Variants in KLF3 observed in about 807,000 individuals in gnomAD.
KLF3 encodes the protein Krueppel-like factor 3.
Under a neutral mutation model 32.7 loss-of-function variants are expected in KLF3, and 6 were observed. The ratio of observed to expected loss-of-function variants is 0.18; its 90% CI spans 0.10 to 0.36. The LOEUF (loss-of-function observed/expected upper bound fraction) is 0.36, where lower values mean the gene tolerates loss of function less well. KLF3 is among the 10% of genes least tolerant of loss of function. The pLI, the probability that KLF3 is intolerant of heterozygous loss-of-function variation, is 1.00. For synonymous variants in KLF3, 145 were observed against 172.8 expected (o/e 0.84, Z 1.26); for missense variants, 338 against 449.7 (o/e 0.75, Z 2.25).
rs1300524966 is a variant in KLF3, at chr4:38,674,263, G to T, written c.-39-6324G>T. Among the ~76,000 whole-genome samples, 1 of 152,068 alleles carries T rather than the reference G, an allele frequency of 6.6e-6. No individual in the cohort carries two copies. Among genetic ancestry groups the T allele is most frequent in the Non-Finnish European group, 1.5e-5 (1 of 68,026 alleles). On this transcript the variant is annotated intron_variant, in intron 1 of 5. Transcript: ENST00000261438. This position sits in a 1 kb window ranked among gnomAD's most constrained non-coding sequence, Gnocchi z 4.1. Reference sequence around the variant, plus strand: ...CTGTTGCCTGTCCCCTGTATTTCTGGCTAGGGCAACTGTCCTTAAATAATA... The same window carrying T: ...CTGTTGCCTGTCCCCTGTATTTCTGTCTAGGGCAACTGTCCTTAAATAATA...
chr4:38,694,501 C>G (rs749868349), intron 4 of KLF3, among the ~76,000 whole-genome samples: 8 of 152,178 alleles, frequency 5.3e-5, no homozygotes, highest in Non-Finnish European at 1.0e-4. Context: ...GGCAGGAACC[C>G]TGTTTTTATT....
In KLF3 at chr4:38,688,539, T is replaced by G. The variant is rs780065826; in HGVS notation, c.58-46T>G. 6.6e-7 allele frequency: 1 copy of G among 1,523,804 alleles called. No individual in the cohort carries two copies. The highest frequency in any genetic ancestry group is 1.3e-5 in the South Asian group (1 of 77,742). The allele number at this position is 1,523,804 out of a possible 1,614,324, so 94.4% of individuals were successfully genotyped here. On this transcript the variant is annotated intron_variant, in intron 2 of 5. Transcript: ENST00000261438. The surrounding 1 kb of genome is among the most constrained non-coding windows in gnomAD (Gnocchi z 4.9). ...TTTCTTAATTCATGTTTCAAGTAAA[T>G]GGACTTATTTGGCTGTTGACACGTT...
chr4:38,681,863 C>T (rs1722536317), intron 2 of KLF3, among the ~76,000 whole-genome samples: 1 of 152,154 alleles, frequency 6.6e-6, no homozygotes, highest in Non-Finnish European at 1.5e-5. Flanking sequence ...TTATACAAGA[C>T]ACGGGGGTCA....
At chr4:38,675,388 C>CT (rs1560414495) in intron 1 of KLF3, among the ~76,000 whole-genome samples, 1 of 127,470 alleles carries the variant, frequency 7.8e-6, no homozygotes, top group Non-Finnish European at 1.8e-5. Flanking sequence ...CAATTTTGCC[C>CT]TTCCCCCCCC....
rs151053383 is a variant in KLF3, at chr4:38,687,555, G to A, written c.58-1030G>A. 7.2e-3 allele frequency among the ~76,000 whole-genome samples: 1,097 copies of A among 152,280 alleles called. 15 individuals carry two copies. Among genetic ancestry groups the A allele is most frequent in the African/African-American group, 0.025 (1,024 of 41,548 alleles). Reference sequence around the variant, plus strand: ...TCAGTTGTGGACCAGATCTTGGGAAGGAAACAGACTCTTCTGTCTCTTCTG... The same window carrying A: ...TCAGTTGTGGACCAGATCTTGGGAAAGAAACAGACTCTTCTGTCTCTTCTG... On this transcript the variant is annotated intron_variant, in intron 2 of 5. Transcript: ENST00000261438.
chr4:38,689,652 G>A, intron 3 of KLF3, 77 bp from the exon 4 acceptor site: 1 of 1,005,984 alleles, frequency 9.9e-7, no homozygotes, highest in Non-Finnish European at 1.5e-6. Context: ...GTTGTAGGTA[G>A]GAGCTATGCA....
rs779264907 is a variant in KLF3, at chr4:38,698,318, G to GT, written c.*1057dup. The GT allele has an allele frequency of 1.3e-5, 2 of 152,740 alleles. No individual in the cohort carries two copies. Among genetic ancestry groups the GT allele is most frequent in the Admixed American group, 6.5e-5 (1 of 15,302 alleles). The allele number at this position is 152,740 out of a possible 1,614,324, so 9.5% of individuals were successfully genotyped here. On this transcript the variant is annotated 3_prime_UTR_variant, in exon 6 of 6. Transcript: ENST00000261438. ...TAGCTTTTTTTGTAAACAGGGAAATGTTGAGTGGTACTTGTATTCCCTTAT... is the reference window on the plus strand; with the variant it reads ...TAGCTTTTTTTGTAAACAGGGAAATGTTTGAGTGGTACTTGTATTCCCTTAT...
In KLF3 at chr4:38,697,303, C is replaced by T. The variant is rs36023504; in HGVS notation, c.*40C>T. The stretch of plus-strand genomic sequence containing the variant: ...TGCCTCAGCGTGACTCCCCACTCAC[C>T]TGGCTCTCTCTCTGTCCTGCCTCCC... On this transcript the variant is annotated 3_prime_UTR_variant, in exon 6 of 6. Transcript: ENST00000261438. 0.32 allele frequency: 485,635 copies of T among 1,528,974 alleles called. 87,984 individuals carry two copies. Among genetic ancestry groups the T allele is most frequent in the Non-Finnish European group, 0.37 (419,760 of 1,127,582 alleles). The allele number at this position is 1,528,974 out of a possible 1,614,324, so 94.7% of individuals were successfully genotyped here.
chr4:38,675,614 C>T (rs1489580231), intron 1 of KLF3, among the ~76,000 whole-genome samples: 1 of 152,116 alleles, frequency 6.6e-6, no homozygotes, highest in African/African-American at 2.4e-5. Flanking sequence ...TAATAGAATT[C>T]CTGAGCCTGG....
chr4:38,673,566 G>A (rs1722260907), intron 1 of KLF3, among the ~76,000 whole-genome samples: 1 of 152,232 alleles, frequency 6.6e-6, no homozygotes. Context: ...AAACAAGTGT[G>A]TAACCCTAGT....
In KLF3 at chr4:38,697,293, C is replaced by T. The variant is rs1327567374; in HGVS notation, c.*30C>T. On this transcript the variant is annotated 3_prime_UTR_variant, in exon 6 of 6. Coordinates refer to ENST00000261438, the MANE Select transcript of KLF3 (RefSeq NM_016531.6). ...CTCTGTGTCCTGCCTCAGCGTGACT[C>T]CCCACTCACCTGGCTCTCTCTCTGT... The T allele has an allele frequency of 1.6e-5, 25 of 1,556,954 alleles. No individual in the cohort carries two copies. Among genetic ancestry groups the T allele is most frequent in the Non-Finnish European group, 1.4e-5 (16 of 1,146,338 alleles).
intron 1 of KLF3, among the ~76,000 whole-genome samples, chr4:38,675,675 T>C (rs2109241484): frequency 6.6e-6 from 1 of 152,358 alleles, no homozygotes; most frequent in East Asian, 1.9e-4. Context: ...TGGATTGATT[T>C]ACTGCCGGTG....
chr4:38,675,390 T>TCCCCC (rs11429183), intron 1 of KLF3, among the ~76,000 whole-genome samples: 1 of 151,442 alleles, frequency 6.6e-6, no homozygotes, highest in African/African-American at 2.4e-5. Context: ...ATTTTGCCCT[T>TCCCCC]CCCCCCCCTT....
chr4:38,687,847 G>A (rs1231816539), intron 2 of KLF3, among the ~76,000 whole-genome samples: 1 of 152,158 alleles, frequency 6.6e-6, no homozygotes. Flanking sequence ...CAGTACAAAG[G>A]TGTGTATGGT....
At chr4:38,668,746 A>G (rs773515162) in intron 1 of KLF3, among the ~76,000 whole-genome samples, 1 of 152,162 alleles carries the variant, frequency 6.6e-6, no homozygotes, top group African/African-American at 2.4e-5. Flanking sequence ...TGGTAAACAG[A>G]GTCTTTATTT....
At chr4:38,696,579 A>C (rs1488694545) in intron 5 of KLF3, among the ~76,000 whole-genome samples, 1 of 152,228 alleles carries the variant, frequency 6.6e-6, no homozygotes, top group African/African-American at 2.4e-5. Context: ...ACTTAGGCCT[A>C]ATTGTTATTG....
rs557007943 is a variant in KLF3, at chr4:38,671,879, C to T, written c.-40+7418C>T. ...CCCTTTTCAAAAACCTGTGTTTGTG[C>T]ACACACCCCTTCCCCTTGCAGTTCC... On this transcript the variant is annotated intron_variant, in intron 1 of 5. Transcript: ENST00000261438. This position sits in a 1 kb window ranked among gnomAD's most constrained non-coding sequence, Gnocchi z 4.4. Among the ~76,000 whole-genome samples the T allele has an allele frequency of 6.6e-6, 1 of 152,278 alleles. No individual in the cohort carries two copies. The highest frequency in any genetic ancestry group is 2.4e-5 in the African/African-American group (1 of 41,540).
intron 1 of KLF3, among the ~76,000 whole-genome samples, chr4:38,676,956 GTTTT>G (rs34392158): frequency 1.9e-5 from 2 of 105,498 alleles, no homozygotes; most frequent in African/African-American, 3.9e-5. Flanking sequence ...GTGCCAGTGT[GTTTT>G]TTTTTTTTTT....
At position 38,671,165 on chromosome 4, in the gene KLF3, C is replaced by T. The variant is rs1722186678; in HGVS notation, c.-40+6704C>T. ...CCCGGGTCTGCAGGCAGACACGCTT[C>T]TGTTCCTGGCTGCAGCTCCAACCAG... On this transcript the variant is annotated intron_variant, in intron 1 of 5. Transcript: ENST00000261438. This position sits in a 1 kb window ranked among gnomAD's most constrained non-coding sequence, Gnocchi z 4.4. Among the ~76,000 whole-genome samples, 1 of 152,224 alleles carries T rather than the reference C, an allele frequency of 6.6e-6. No homozygotes were observed. Among genetic ancestry groups the T allele is most frequent in the Non-Finnish European group, 1.5e-5 (1 of 68,038 alleles).
Sources: gnomAD v4.1 joint callset for allele counts (sites outside exome capture counted in the v4.1 genomes callset) on GRCh38, gnomAD v4.1.1 for gene constraint, Gnocchi (gnomAD v3.1) non-coding constraint, MANE v1.5 for transcripts, NCBI Gene and HGNC (gene_info 2026-07-23, HGNC 2026-07-21) for gene names.